Variants in KCNH7 observed in about 807,000 individuals in gnomAD.
The protein encoded by KCNH7 is potassium voltage-gated channel subfamily H member 7.
Under a neutral mutation model 120.8 loss-of-function variants are expected in KCNH7, and 49 were observed. That is an observed-to-expected ratio of 0.41 (90% confidence interval 0.32 to 0.51). KCNH7 has a LOEUF of 0.51. Among genes scored for constraint, KCNH7 ranks in the 20% least tolerant of loss-of-function variants. The pLI, the probability that KCNH7 is intolerant of heterozygous loss-of-function variation, is 0.38. For missense variants in KCNH7, 1,097 were observed against 1,446.6 expected (o/e 0.76, Z 3.92); for synonymous variants, 547 against 516.1 (o/e 1.06, Z -0.81).
At chr2:162,571,308 G>T (rs1693465966) in intron 2 of KCNH7, among the ~76,000 whole-genome samples, 1 of 152,088 alleles carries the variant, frequency 6.6e-6, no homozygotes, top group South Asian at 2.1e-4. Flanking sequence ...GCTTCAAAGA[G>T]AATTAAATAC....
chr2:162,542,154 T>C (rs1043990201), intron 2 of KCNH7, among the ~76,000 whole-genome samples: 12 of 151,510 alleles, frequency 7.9e-5, no homozygotes, highest in African/African-American at 2.9e-4. Context: ...CTATTCTATA[T>C]CTCTCTTTTT....
At chr2:162,569,582 T>C (rs1274739132) in intron 2 of KCNH7, among the ~76,000 whole-genome samples, 1 of 143,744 alleles carries the variant, frequency 7.0e-6, no homozygotes, top group African/African-American at 2.6e-5. Context: ...CTTTTGAATG[T>C]GTTTGCTCTT....
intron 9 of KCNH7, 55 bp from the exon 10 acceptor site, chr2:162,400,496 G>A (rs1175558722): frequency 6.4e-7 from 1 of 1,569,128 alleles, no homozygotes; most frequent in African/African-American, 1.4e-5. Context: ...ATCTCTGCCT[G>A]AAATACAGTC....
chr2:162,544,306 G>T (rs995022765), intron 2 of KCNH7, among the ~76,000 whole-genome samples: 70 of 152,074 alleles, frequency 4.6e-4, no homozygotes, highest in African/African-American at 1.4e-3. Flanking sequence ...CTTTATTTCT[G>T]GACTGGGCTA....
Position 162,446,444 on chromosome 2 carries a change from C to T in KCNH7, c.1129-1G>A, listed in dbSNP as rs753291958. The T allele has an allele frequency of 6.3e-7, 1 of 1,595,394 alleles. No homozygotes were observed. Among genetic ancestry groups the T allele is most frequent in the Non-Finnish European group, 8.5e-7 (1 of 1,170,224 alleles). On this transcript the variant is annotated splice_acceptor_variant, in intron 6 of 15. Coordinates refer to ENST00000332142, the MANE Select transcript of KCNH7 (RefSeq NM_033272.4). LOFTEE classifies it high-confidence loss of function. ...GGACATCTGCTCCTAAAGAGAGAAC[C>T]TGAATGTGCAAAAGAAAATCATACA... is the stretch of plus-strand genomic sequence containing the variant.
intron 2 of KCNH7, among the ~76,000 whole-genome samples, chr2:162,802,151 G>A (rs1256126919): frequency 2.0e-5 from 3 of 151,656 alleles, no homozygotes; most frequent in African/African-American, 7.2e-5. Context: ...TGCAGATGGT[G>A]TTGGTTCTGG....
chr2:162,493,703 T>G (rs115804930), intron 6 of KCNH7, among the ~76,000 whole-genome samples: 1,738 of 152,286 alleles, frequency 0.011, 26 homozygotes, highest in African/African-American at 0.04. Context: ...TTGCTAAGAG[T>G]TGCCATCATA....
intron 2 of KCNH7, among the ~76,000 whole-genome samples, chr2:162,591,273 C>T (rs1262908336): frequency 6.6e-6 from 1 of 151,772 alleles, no homozygotes; most frequent in Non-Finnish European, 1.5e-5. Context: ...TGTGTCTTAT[C>T]ACAATAGAAT....
chr2:162,592,770 G>A (rs571461763), intron 2 of KCNH7, among the ~76,000 whole-genome samples: 8 of 152,118 alleles, frequency 5.3e-5, no homozygotes, highest in South Asian at 2.1e-4. Context: ...CTATACTGGC[G>A]AAGATTGGCC....
intron 9 of KCNH7, among the ~76,000 whole-genome samples, chr2:162,406,670 TC>T (rs1303654425): frequency 6.6e-6 from 1 of 152,026 alleles, no homozygotes; most frequent in African/African-American, 2.4e-5. Context: ...TAAATCTCTG[TC>T]CTAGCATACA....
intron 6 of KCNH7, among the ~76,000 whole-genome samples, chr2:162,479,263 A>G (rs911997799): frequency 6.6e-6 from 1 of 151,886 alleles, no homozygotes; most frequent in Non-Finnish European, 1.5e-5. Flanking sequence ...CTTAAAAAAT[A>G]ATGCTAATTA....
At chr2:162,831,576 C>G (rs10432414) in intron 2 of KCNH7, among the ~76,000 whole-genome samples, 71,846 of 151,932 alleles carry the variant, frequency 0.47, 18,983 homozygotes, top group South Asian at 0.67. Context: ...ACTGTTACTT[C>G]CCTGTGGCTC....
intron 2 of KCNH7, among the ~76,000 whole-genome samples, chr2:162,588,947 A>C (rs902128604): frequency 6.6e-6 from 1 of 151,994 alleles, no homozygotes; most frequent in African/African-American, 2.4e-5. Flanking sequence ...CTGGGTTACT[A>C]TCCTCAAGGA....
rs531464868 is a variant in KCNH7, at chr2:162,471,044, G to C, written c.1129-24601C>G. Reference sequence around the variant, plus strand: ...TGCTTTGTTAAACAGATGCTTGAAGGCAGCATGCTTGTTAAGAGTCATCAC... The same window carrying C: ...TGCTTTGTTAAACAGATGCTTGAAGCCAGCATGCTTGTTAAGAGTCATCAC... On this transcript the variant is annotated intron_variant, in intron 6 of 15. Transcript: ENST00000332142. 1.8e-3 allele frequency among the ~76,000 whole-genome samples: 269 copies of C among 152,180 alleles called. 1 individual carries two copies. Among genetic ancestry groups the C allele is most frequent in the Non-Finnish European group, 2.7e-3 (186 of 68,006 alleles).
intron 2 of KCNH7, among the ~76,000 whole-genome samples, chr2:162,660,975 T>G (rs1373125140): frequency 6.6e-6 from 1 of 152,218 alleles, no homozygotes; most frequent in Non-Finnish European, 1.5e-5. Context: ...TTCTGTACAA[T>G]AAGATAGCCC....
chr2:162,553,579 G>A (rs926222057), intron 2 of KCNH7, among the ~76,000 whole-genome samples: 78 of 152,238 alleles, frequency 5.1e-4, no homozygotes, highest in African/African-American at 1.8e-3. Context: ...AACCCGGGAG[G>A]TGGAGCTTGC....
At chr2:162,509,852 G>A (rs1691007652) in intron 5 of KCNH7, among the ~76,000 whole-genome samples, 1 of 151,580 alleles carries the variant, frequency 6.6e-6, no homozygotes, top group South Asian at 2.1e-4. Flanking sequence ...CAGATTCATA[G>A]ACTAATTGGA....
chr2:162,517,018 A>G (rs1691320705), intron 4 of KCNH7, among the ~76,000 whole-genome samples: 1 of 151,780 alleles, frequency 6.6e-6, no homozygotes, highest in South Asian at 2.1e-4. Context: ...TGCCTCAGAC[A>G]CAGTAAGTAC....
intron 2 of KCNH7, among the ~76,000 whole-genome samples, chr2:162,823,027 G>A (rs1685167781): frequency 6.6e-6 from 1 of 152,192 alleles, no homozygotes; most frequent in African/African-American, 2.4e-5. Context: ...TATGTGTGTA[G>A]TGAGTGTGTC....
Sources: allele counts gnomAD v4.1 joint callset (sites outside exome capture counted in the v4.1 genomes callset), GRCh38; gene constraint gnomAD v4.1.1; transcripts MANE v1.5; gene names NCBI Gene and HGNC (gene_info 2026-07-23, HGNC 2026-07-21).